STRN3: variants seen among roughly 807,000 people sequenced by gnomAD.
STRN3 encodes striatin 3.
Under a neutral mutation model 95.6 loss-of-function variants are expected in STRN3, and 29 were observed. The observed-to-expected ratio is 0.30, with a 90% CI of 0.23 to 0.41. The LOEUF (loss-of-function observed/expected upper bound fraction) is 0.41, where lower values mean the gene tolerates loss of function less well. Among genes scored for constraint, STRN3 ranks in the 10% least tolerant of loss-of-function variants. STRN3 has a pLI of 1.00. For synonymous variants in STRN3, 331 were observed against 357.6 expected, an observed-to-expected ratio of 0.93 and a Z score of 0.84; for missense variants, 890 against 972.1, an observed-to-expected ratio of 0.92 and a Z score of 1.12.
chr14:30,927,537 G>C (rs1858444810), intron 8 of STRN3, among the ~76,000 whole-genome samples: 1 of 151,218 alleles, frequency 6.6e-6, no homozygotes, highest in African/African-American at 2.4e-5. Flanking sequence ...CATTTCAAAA[G>C]AAATCTTCAG....
chr14:30,962,830 G>A (rs116453359), intron 1 of STRN3, among the ~76,000 whole-genome samples: 2,573 of 151,870 alleles, frequency 0.017, 73 homozygotes, highest in African/African-American at 0.057. Context: ...ACAGCACCTG[G>A]CCCCATTTTT....
At chr14:30,906,626 A>G (rs938438601) in intron 14 of STRN3, among the ~76,000 whole-genome samples, 5 of 152,234 alleles carry the variant, frequency 3.3e-5, no homozygotes, top group East Asian at 1.9e-4. Context: ...TCATTTGTCT[A>G]TTCCACTGTT....
At position 30,897,894 on chromosome 14, in the gene STRN3, C is replaced by T. The variant is rs1896201158; in HGVS notation, c.2138-2146G>A. On this transcript the variant is annotated intron_variant, in intron 16 of 17. Transcript: ENST00000357479. ...GACCACAGTGTATAAAATGGTTGGC[C>T]TCCATGACAATACTTTCAAAATATT... 3.9e-5 allele frequency among the ~76,000 whole-genome samples: 6 copies of T among 152,142 alleles called. No individual in the cohort carries two copies. In the South Asian group the frequency reaches 1.2e-3, roughly 32 times the overall value.
chr14:30,978,589 C>A (rs183939281), intron 1 of STRN3, among the ~76,000 whole-genome samples: 46 of 152,252 alleles, frequency 3.0e-4, no homozygotes, highest in Non-Finnish European at 6.3e-4. Flanking sequence ...CACTCCTATT[C>A]AACATCATAC....
chr14:31,018,617 G>A (rs1883356476), intron 1 of STRN3: 1 of 505,526 alleles, frequency 2.0e-6, no homozygotes, highest in African/African-American at 2.0e-5. Context: ...GCAGACCACA[G>A]AGCTCAAAGA....
rs1211014440 is a variant in STRN3, at chr14:30,913,597, A to T, written c.1301T>A (p.Val434Asp). The change falls in exon 10 of 18, where the codon GTT becomes GAT. Residue 434 changes from valine to aspartate, a missense_variant. Physicochemically the swap from Val to Asp is radical, Grantham distance 152. Transcript: ENST00000357479. ...TCCAAGGCCCAGTACACTTAACAAA[A>T]CATCATCAGAACCCATAATAAATGA... ...GKSFIMGSDD[V>D]LLSVLGLGDL... 2.5e-6 allele frequency: 4 copies of T among 1,613,868 alleles called. No homozygotes were observed. In the Admixed American group the frequency reaches 6.7e-5, roughly 27 times the overall value.
chr14:30,899,356 T>C (rs1007487507), intron 16 of STRN3, among the ~76,000 whole-genome samples: 5 of 152,186 alleles, frequency 3.3e-5, no homozygotes, highest in Admixed American at 2.0e-4. Flanking sequence ...CTGAAATAAA[T>C]AGTAGAAATT....
intron 5 of STRN3, among the ~76,000 whole-genome samples, chr14:30,940,774 T>C (rs1220954673): frequency 6.6e-6 from 1 of 152,204 alleles, no homozygotes; most frequent in Admixed American, 6.5e-5. Context: ...CTTGATTTGT[T>C]TTCTCTTTTT....
At chr14:30,937,024 A>C (rs1002465266) in intron 5 of STRN3, among the ~76,000 whole-genome samples, 32 of 152,264 alleles carry the variant, frequency 2.1e-4, no homozygotes, top group African/African-American at 6.5e-4. Flanking sequence ...GTAAATACCA[A>C]AGTTTATCAG....
intron 1 of STRN3, among the ~76,000 whole-genome samples, chr14:30,999,052 C>T (rs373230332): frequency 6.6e-6 from 1 of 152,208 alleles, no homozygotes; most frequent in East Asian, 1.9e-4. Context: ...AGCCCAGACA[C>T]TGAACTTTTT....
chr14:31,019,263 C>A (rs1053276235), intron 1 of STRN3, among the ~76,000 whole-genome samples: 1 of 152,068 alleles, frequency 6.6e-6, no homozygotes, highest in East Asian at 1.9e-4. Context: ...GAGCTACGAT[C>A]GCACCACTGC....
intron 5 of STRN3, among the ~76,000 whole-genome samples, chr14:30,946,569 G>C (rs1340678842): frequency 6.6e-6 from 1 of 152,018 alleles, no homozygotes; most frequent in Non-Finnish European, 1.5e-5. Flanking sequence ...ACTTAACATA[G>C]ATAAATTTTG....
intron 1 of STRN3, among the ~76,000 whole-genome samples, chr14:30,977,974 A>C (rs1881197513): frequency 1.3e-5 from 2 of 152,174 alleles, no homozygotes; most frequent in South Asian, 4.1e-4. Context: ...GCAATAAATG[A>C]CGTGAATGGA....
At chr14:30,979,321 C>A (rs1881272022) in intron 1 of STRN3, among the ~76,000 whole-genome samples, 1 of 151,996 alleles carries the variant, frequency 6.6e-6, no homozygotes, top group Non-Finnish European at 1.5e-5. Flanking sequence ...AGGTCAAAGA[C>A]CTAGGCCCAA....
intron 3 of STRN3, among the ~76,000 whole-genome samples, chr14:30,952,273 G>C (rs1346322026): frequency 6.6e-6 from 1 of 152,172 alleles, no homozygotes; most frequent in Non-Finnish European, 1.5e-5. Flanking sequence ...GTGAAGAAGA[G>C]AGGGACTTAG....
At chr14:30,912,900 G>GA (rs1019324570) in intron 10 of STRN3, among the ~76,000 whole-genome samples, 8 of 150,624 alleles carry the variant, frequency 5.3e-5, no homozygotes, top group East Asian at 3.9e-4. Context: ...ATTATAAAAA[G>GA]AAAAAAAAAT....
intron 7 of STRN3, among the ~76,000 whole-genome samples, chr14:30,930,446 C>T (rs541467407): frequency 6.6e-6 from 1 of 152,252 alleles, no homozygotes; most frequent in African/African-American, 2.4e-5. Context: ...AAGAAATTCT[C>T]ATATTTGAAT....
At position 31,026,361 on chromosome 14, in the gene STRN3, T is replaced by A; in HGVS notation, c.-176A>T. The A allele has an allele frequency of 3.2e-6, 1 of 309,232 alleles. No homozygotes were observed. Among genetic ancestry groups the A allele is most frequent in the Non-Finnish European group, 5.0e-6 (1 of 199,694 alleles). The allele number at this position is 309,232 out of a possible 1,614,324, so 19.2% of individuals were successfully genotyped here. A position where few individuals can be genotyped will look rare whatever the true frequency, so the allele number is the denominator to read the frequency against. On this transcript the variant is annotated 5_prime_UTR_variant, in exon 1 of 18. The change abolishes the stop of an existing upstream ORF in the 5' untranslated region. Coordinates refer to ENST00000357479, the MANE Select transcript of STRN3 (RefSeq NM_001083893.2). The stretch of plus-strand genomic sequence containing the variant: ...GCAGGGAGCTGCCGGCTGCCGCCAT[T>A]ACAATCCCTCCTCCATCTGCCCGTC...
At chr14:31,008,059 C>T (rs1195989628) in intron 1 of STRN3, among the ~76,000 whole-genome samples, 1 of 151,870 alleles carries the variant, frequency 6.6e-6, no homozygotes, top group Admixed American at 6.6e-5. Flanking sequence ...GGCATGATGG[C>T]GGGTGCCTAT....
Sources: gnomAD v4.1 joint callset for allele counts (sites outside exome capture counted in the v4.1 genomes callset) on GRCh38, gnomAD v4.1.1 for gene constraint, MANE v1.5 for transcripts, NCBI Gene and HGNC (gene_info 2026-07-23, HGNC 2026-07-21) for gene names.